SCRIB: variants seen among roughly 807,000 people sequenced by gnomAD.
The protein encoded by SCRIB is scribble planar cell polarity protein, also known as protein scribble homolog.
Under a neutral mutation model 170.0 loss-of-function variants are expected in SCRIB, and 72 were observed. The ratio of observed to expected loss-of-function variants is 0.42; its 90% CI spans 0.35 to 0.52. The LOEUF is 0.52. Ranked by LOEUF, SCRIB falls within the 20% of genes least tolerant of loss-of-function variation. The pLI is 0.02. For missense variants in SCRIB, 2,475 were observed against 2,338.5 expected (o/e 1.06, Z -1.20); for synonymous variants, 1,298 against 1,044.3 (o/e 1.24, Z -4.68).
intron 24 of SCRIB, among the ~76,000 whole-genome samples, chr8:143,799,359 G>A (rs1257890870): frequency 1.3e-5 from 2 of 152,242 alleles, no homozygotes; most frequent in African/African-American, 2.4e-5. Flanking sequence ...ACAAGGGAGA[G>A]GTGGTCCTGA....
chr8:143,799,217 A>G (rs191752948), intron 24 of SCRIB, among the ~76,000 whole-genome samples: 15 of 152,234 alleles, frequency 9.9e-5, no homozygotes, highest in African/African-American at 3.1e-4. Flanking sequence ...CTTTACAGAC[A>G]TATCTACAGA....
At position 143,804,683 on chromosome 8, in the gene SCRIB, G is replaced by A. The variant is rs782237915; in HGVS notation, c.2894C>T (p.Pro965Leu). The change falls in exon 21 of 37, where the codon CCC becomes CTC. Residue 965 changes from proline to leucine, a missense_variant. Transcript: ENST00000356994. ...GCTGGTGGTGGCAACAGCAGCGGTG[G>A]GGGGTGAGGAATGTGGCAGAGGGCT... Reference protein sequence around the residue: ...PPSPLPHSSPPTAAVATTSIT... With the variant: ...PPSPLPHSSPLTAAVATTSIT... 5 of 1,562,400 alleles carry A rather than the reference G, an allele frequency of 3.2e-6. No homozygotes were observed. Among genetic ancestry groups the A allele is most frequent in the Non-Finnish European group, 4.3e-6 (5 of 1,150,748 alleles).
chr8:143,810,384 C>T, intron 13 of SCRIB, 95 bp downstream of exon 13: 1 of 1,514,396 alleles, frequency 6.6e-7, no homozygotes, highest in Non-Finnish European at 8.9e-7. Context: ...CTTCTCTGTG[C>T]TGCCCTGGCC....
chr8:143,797,564 G>A (rs1289009466), intron 24 of SCRIB, among the ~76,000 whole-genome samples: 4 of 152,198 alleles, frequency 2.6e-5, no homozygotes, highest in Non-Finnish European at 4.4e-5. Flanking sequence ...TAACTGCAGG[G>A]GGAAACCTGG....
At position 143,813,387 on chromosome 8, in the gene SCRIB, C is replaced by T; in HGVS notation, c.504-13G>A. The T allele has an allele frequency of 6.2e-7, 1 of 1,613,490 alleles. No homozygotes were observed. Among genetic ancestry groups the T allele is most frequent in the Non-Finnish European group, 8.5e-7 (1 of 1,180,008 alleles). On this transcript the variant is annotated splice_polypyrimidine_tract_variant and intron_variant, in intron 5 of 36. Coordinates refer to ENST00000356994, the MANE Select transcript of SCRIB (RefSeq NM_182706.5). Reference sequence around the variant, plus strand: ...AAATGACAGGGACCTGCAGAGGAAGCAGGGTGGAGGTGTGGCCACGCAGCC... The same window carrying T: ...AAATGACAGGGACCTGCAGAGGAAGTAGGGTGGAGGTGTGGCCACGCAGCC...
chr8:143,812,504 T>C, intron 8 of SCRIB, 120 bp from the exon 9 acceptor site: 1 of 804,468 alleles, frequency 1.2e-6, no homozygotes, highest in African/African-American at 1.8e-5. Context: ...GCCGCCGCCG[T>C]ACTTCGGGAG....
At chr8:143,807,096 G>A (rs1815464061) in intron 16 of SCRIB, 83 bp from the exon 17 acceptor site, 1 of 1,007,050 alleles carries the variant, frequency 9.9e-7, no homozygotes, top group Non-Finnish European at 1.5e-6. Context: ...CCAGCACGCA[G>A]ATGCCATTTC....
At chr8:143,814,759 G>A (rs376743130) in intron 1 of SCRIB, 75 of 171,430 alleles carry the variant, frequency 4.4e-4, no homozygotes, top group Non-Finnish European at 7.3e-4. Context: ...ACCACGAGAA[G>A]CAAGGGTAAA....
At chr8:143,815,071 G>C in intron 1 of SCRIB, 143 bp downstream of exon 1, 1 of 947,810 alleles carries the variant, frequency 1.1e-6, no homozygotes, top group Non-Finnish European at 1.4e-6. Flanking sequence ...AGAAGGGTGG[G>C]GCTGGCTGGG....
At chr8:143,798,700 C>T (rs1554634491) in intron 24 of SCRIB, among the ~76,000 whole-genome samples, 1 of 152,110 alleles carries the variant, frequency 6.6e-6, no homozygotes, top group Non-Finnish European at 1.5e-5. Context: ...TTAAATGTAA[C>T]AGTACAAACT....
Position 143,807,483 on chromosome 8 carries a change from C to T in SCRIB, c.2178+69G>A, listed in dbSNP as rs373187525. ...CTCAAGCAACAGGGGCGGGGAGAGGCGTGAGCCCACAGCCCGGGAAGCAAG... is the reference window on the plus strand; with the variant it reads ...CTCAAGCAACAGGGGCGGGGAGAGGTGTGAGCCCACAGCCCGGGAAGCAAG... On this transcript the variant is annotated intron_variant, in intron 16 of 36. Coordinates refer to ENST00000356994, the MANE Select transcript of SCRIB (RefSeq NM_182706.5). The T allele has an allele frequency of 2.5e-5, 31 of 1,256,286 alleles. No individual in the cohort carries two copies. In the African/African-American group the frequency reaches 2.6e-4, roughly 11 times the overall value. 77.8% of individuals were successfully genotyped at this position (1,256,286 alleles called of 1,614,324 possible).
intron 18 of SCRIB, 36 bp from the exon 19 acceptor site, chr8:143,805,471 A>G: frequency 6.9e-7 from 1 of 1,443,522 alleles, no homozygotes; most frequent in Admixed American, 2.5e-5. Flanking sequence ...TTCAGGACCC[A>G]GTGCCGCCAC....
At position 143,803,386 on chromosome 8, in the gene SCRIB, C is replaced by A; in HGVS notation, c.3600G>T (p.Leu1200=). The A allele has an allele frequency of 6.4e-7, 1 of 1,572,580 alleles. No homozygotes were observed. Among genetic ancestry groups the A allele is most frequent in the South Asian group, 1.1e-5 (1 of 88,476 alleles). The change falls in exon 24 of 37, where the codon CTG becomes CTT. Residue 1200 remains leucine, a synonymous_variant. Transcript: ENST00000356994. ...DGFEASTDAA[L]EVSPGVIANP... is the part of the protein sequence containing the mutation. Reference sequence around the variant, plus strand: ...TCCCCGGGGCGGGATCGCTAACCTCCAGGGCTGCGTCGGTGCTGGCCTCAA... The same window carrying A: ...TCCCCGGGGCGGGATCGCTAACCTCAAGGGCTGCGTCGGTGCTGGCCTCAA...
In SCRIB at chr8:143,792,536, T is replaced by C. The variant is rs373883413; in HGVS notation, c.4277A>G (p.Glu1426Gly). 1.3e-6 allele frequency: 2 copies of C among 1,557,754 alleles called. No individual in the cohort carries two copies. The highest frequency in any genetic ancestry group is 1.9e-5 in the Admixed American group (1 of 53,262). The change falls in exon 31 of 37, where the codon GAG becomes GGG. Residue 1426 changes from glutamate to glycine, a missense_variant. Physicochemically the swap from Glu to Gly is moderately conservative, Grantham distance 98. Around this residue, in one of 3 missense-constraint regions of SCRIB, gnomAD observed 1,966 missense variants for 1,742.9 expected, o/e 1.13. Transcript: ENST00000356994. ...LALDGETLGE[E>G]EQEDEQPPWA... is the part of the protein sequence containing the mutation. The stretch of plus-strand genomic sequence containing the variant: ...GGGTGGCTGCTCATCCTCCTGTTCC[T>C]CCTCGCCCAGCGTCTCCCCGTCCAG...
chr8:143,795,520 C>A lies in SCRIB; in HGVS notation c.3614G>T (p.Gly1205Val), dbSNP rs1814906292. The A allele has an allele frequency of 1.2e-6, 2 of 1,611,228 alleles. No homozygotes were observed. Among genetic ancestry groups the A allele is most frequent in the Non-Finnish European group, 1.7e-6 (2 of 1,178,868 alleles). Residue 1205 changes from glycine (G) to valine (V), a missense_variant, in exon 25 of 37, where the codon GGT becomes GTT. Gly to Val is a moderately radical substitution (Grantham distance 109). This residue lies in a region of SCRIB where 1,966 missense variants were observed against 1,742.9 expected (regional missense o/e 1.13). Coordinates refer to ENST00000356994, the MANE Select transcript of SCRIB (RefSeq NM_182706.5). ...TGCCGCAAAGGGGTTGGCAATGACA[C>A]CTGGGGACACCTGAGAAGAGGGGTG... The part of the protein sequence containing the change: ...STDAALEVSP[G>V]VIANPFAAGI...
chr8:143,798,119 G>A (rs79567974), intron 24 of SCRIB, among the ~76,000 whole-genome samples: 3,986 of 152,102 alleles, frequency 0.026, 191 homozygotes, highest in African/African-American at 0.09. Context: ...AGATTTTTTC[G>A]GTGGCAGACG....
chr8:143,813,809 G>C lies in SCRIB; in HGVS notation c.356+9C>G. 1 of 1,608,124 alleles carries C rather than the reference G, an allele frequency of 6.2e-7. No homozygotes were observed. Among genetic ancestry groups the C allele is most frequent in the Non-Finnish European group, 8.5e-7 (1 of 1,176,304 alleles). ...GCCCCTACCGACCCCACCACAGGCTGCCACCCACCTGGAGAGGGGGTTCCC... is the reference window on the plus strand; with the variant it reads ...GCCCCTACCGACCCCACCACAGGCTCCCACCCACCTGGAGAGGGGGTTCCC... On this transcript the variant is annotated intron_variant, in intron 3 of 36. Coordinates refer to ENST00000356994, the MANE Select transcript of SCRIB (RefSeq NM_182706.5).
Position 143,812,988 on chromosome 8 carries a change from C to T in SCRIB, c.643-27G>A, listed in dbSNP as rs370660448. On this transcript the variant is annotated intron_variant, in intron 7 of 36. Transcript: ENST00000356994. ...TGCAGGTGGGCAGAGAGTCAGAGCG[C>T]GGATGGGCACGAAGCAGGGGGCCAG... The T allele has an allele frequency of 7.8e-5, 126 of 1,611,488 alleles. 1 individual carries two copies. The highest frequency in any genetic ancestry group is 6.7e-4 in the East Asian group (30 of 44,800).
chr8:143,792,815 C>G lies in SCRIB; in HGVS notation c.4070G>C (p.Arg1357Pro). 6.4e-7 allele frequency: 1 copy of G among 1,554,884 alleles called. No individual in the cohort carries two copies. Among genetic ancestry groups the G allele is most frequent in the Non-Finnish European group, 8.7e-7 (1 of 1,152,114 alleles). ...CACCTCCAGCTCAAAGTACTTCTGC[C>G]GCTCCCGGAAGGACAGCTGCTCCGG... The part of the protein sequence containing the change: ...ASPEQLSFRE[R>P]QKYFELEVRV... Residue 1357 changes from arginine to proline, a missense_variant, in exon 30 of 37, where the codon CGG becomes CCG. Around this residue, in one of 3 missense-constraint regions of SCRIB, gnomAD observed 1,966 missense variants for 1,742.9 expected, o/e 1.13. Coordinates refer to ENST00000356994, the MANE Select transcript of SCRIB (RefSeq NM_182706.5).
Sources: gnomAD v4.1 joint callset for allele counts (sites outside exome capture counted in the v4.1 genomes callset) on GRCh38, gnomAD v4.1.1 for gene constraint, gnomAD v4.1.1 regional missense constraint, MANE v1.5 for transcripts, NCBI Gene and HGNC (gene_info 2026-07-23, HGNC 2026-07-21) for gene names.